The following CPAMD8 variants were observed in gnomAD, a reference collection of about 807,000 sequenced individuals.
CPAMD8 encodes the protein C3 and PZP-like alpha-2-macroglobulin domain-containing protein 8.
Under a neutral mutation model 224.7 loss-of-function variants are expected in CPAMD8, and 146 were observed. The ratio of observed to expected loss-of-function variants is 0.65; its 90% CI spans 0.57 to 0.75. CPAMD8 has a LOEUF of 0.75. Among genes scored for constraint, CPAMD8 ranks in the 30% least tolerant of loss-of-function variants. The pLI, the probability that CPAMD8 is intolerant of heterozygous loss-of-function variation, is 0.00. For missense variants in CPAMD8, 2,301 were observed against 2,537.5 expected, an observed-to-expected ratio of 0.91 and a Z score of 2.00; for synonymous variants, 966 against 1,044.6, an observed-to-expected ratio of 0.92 and a Z score of 1.45.
At chr19:16,971,361 G>T (rs1257034689) in intron 17 of CPAMD8, among the ~76,000 whole-genome samples, 1 of 152,018 alleles carries the variant, frequency 6.6e-6, no homozygotes, top group Non-Finnish European at 1.5e-5. Context: ...TCACCATGGG[G>T]CATCATTCTT....
Position 16,914,431 on chromosome 19 carries a change from G to A in CPAMD8, c.3854C>T (p.Ala1285Val). The A allele has an allele frequency of 6.2e-7, 1 of 1,614,116 alleles. No homozygotes were observed. The highest frequency in any genetic ancestry group is 8.5e-7 in the Non-Finnish European group (1 of 1,179,946). Residue 1285 changes from alanine (A) to valine (V), a missense_variant, in exon 29 of 42, where the codon GCC (alanine) becomes GTC (valine). Ala to Val is a moderately conservative substitution (Grantham distance 64). Coordinates refer to ENST00000443236, the MANE Select transcript of CPAMD8 (RefSeq NM_015692.5). ...VVVALLETGT[A>V]SEEERGSTDK... ...AACCCCTTCTGTACTCACCTCTGAG[G>A]CTGTGCCTGTTTCCAGGAGAGCAAC...
At chr19:16,941,834 A>G (rs2053902575) in intron 22 of CPAMD8, among the ~76,000 whole-genome samples, 1 of 152,066 alleles carries the variant, frequency 6.6e-6, no homozygotes. Context: ...TTATCCGGGC[A>G]TGGTGGCAGG....
intron 22 of CPAMD8, among the ~76,000 whole-genome samples, chr19:16,939,827 C>T (rs947352852): frequency 6.6e-6 from 1 of 152,086 alleles, no homozygotes; most frequent in African/African-American, 2.4e-5. Flanking sequence ...GGTTCTCCAG[C>T]TCTCAGGCCT....
chr19:16,976,475 T>G (rs1041759673), intron 15 of CPAMD8, among the ~76,000 whole-genome samples: 1 of 151,814 alleles, frequency 6.6e-6, no homozygotes, highest in African/African-American at 2.4e-5. Context: ...AAACTCCATT[T>G]CAAACAATGA....
At chr19:16,982,270 G>A (rs7250118) in intron 13 of CPAMD8, among the ~76,000 whole-genome samples, 8,676 of 152,046 alleles carry the variant, frequency 0.057, 497 homozygotes, top group African/African-American at 0.15. Context: ...GTGGGTGCCT[G>A]TGGTCTCAGC....
At chr19:17,008,725 G>A (rs1366451791) in intron 6 of CPAMD8, 166 bp from the exon 7 acceptor site, 4 of 797,912 alleles carry the variant, frequency 5.0e-6, no homozygotes, top group Non-Finnish European at 2.1e-6. Context: ...TCTGGATAGA[G>A]AAGGATTTGA....
intron 21 of CPAMD8, among the ~76,000 whole-genome samples, chr19:16,946,436 A>G (rs1480058167): frequency 9.3e-5 from 9 of 97,012 alleles, no homozygotes; most frequent in African/African-American, 3.8e-4. Context: ...TGTGTGTGTG[A>G]ATGCATGTCT....
Position 16,898,144 on chromosome 19 carries a change from CTTTTT to C in CPAMD8, c.4849-155_4849-151del. ...CATTTTCTTTTTTTCTTTTACTTTT[CTTTTT>C]TTTTTTTTTTCCTGAGACAGAGTCT... On this transcript the variant is annotated intron_variant, in intron 37 of 41. Coordinates refer to ENST00000443236, the MANE Select transcript of CPAMD8 (RefSeq NM_015692.5). The surrounding 1 kb of genome is among the most constrained non-coding windows in gnomAD (Gnocchi z 4.2). The C allele has an allele frequency of 9.5e-6, 5 of 526,022 alleles. No individual in the cohort carries two copies. Among genetic ancestry groups the C allele is most frequent in the East Asian group, 3.3e-5 (1 of 30,102 alleles). The allele number at this position is 526,022 out of a possible 1,614,324, so 32.6% of individuals were successfully genotyped here. A position where few individuals can be genotyped will look rare whatever the true frequency, so the allele number is the denominator to read the frequency against.
intron 7 of CPAMD8, among the ~76,000 whole-genome samples, chr19:17,005,752 T>C (rs2056474076): frequency 6.6e-6 from 1 of 152,074 alleles, no homozygotes; most frequent in South Asian, 2.1e-4. Flanking sequence ...CTTCTCTCAA[T>C]CACATTGGAG....
At chr19:16,948,855 A>G in intron 20 of CPAMD8, among the ~76,000 whole-genome samples, 1 of 99,890 alleles carries the variant, frequency 1.0e-5, no homozygotes, top group African/African-American at 3.8e-5. Flanking sequence ...AGAGAAGGGA[A>G]GGGAGGGAAA....
rs2056354711 is a variant in CPAMD8 at position 17,002,339 on chromosome 19, A to T, written c.685T>A (p.Phe229Ile). Residue 229 changes from phenylalanine to isoleucine, a missense_variant, in exon 9 of 42, where the codon TTT becomes ATT. By Grantham distance (21) the Phe-to-Ile change is conservative (BLOSUM62 0). Around this residue, in one of 4 missense-constraint regions of CPAMD8, gnomAD observed 283 missense variants for 340.6 expected, o/e 0.83. Transcript: ENST00000443236. Reference protein sequence around the residue: ...FEVQKYVLPKFELLIDPPRYI... With the variant: ...FEVQKYVLPKIELLIDPPRYI... ...CGGGGCGGGTCAATCAGAAGCTCAAACTTGGGCAACACTGAAGAAAGCAAG... is the reference window on the plus strand; with the variant it reads ...CGGGGCGGGTCAATCAGAAGCTCAATCTTGGGCAACACTGAAGAAAGCAAG... The T allele has an allele frequency of 3.1e-6, 5 of 1,604,542 alleles. No individual in the cohort carries two copies. Among genetic ancestry groups the T allele is most frequent in the Non-Finnish European group, 4.3e-6 (5 of 1,174,440 alleles).
chr19:16,931,793 C>T (rs1241975915), intron 23 of CPAMD8, among the ~76,000 whole-genome samples: 1 of 152,198 alleles, frequency 6.6e-6, no homozygotes, highest in African/African-American at 2.4e-5. Context: ...AATAACTGCA[C>T]CCTAAGCCAC....
intron 19 of CPAMD8, 35 bp downstream of exon 19, chr19:16,957,818 G>A (rs199542928): frequency 4.3e-5 from 69 of 1,610,230 alleles, no homozygotes; most frequent in Non-Finnish European, 5.4e-5. Flanking sequence ...TCACTCAACC[G>A]GCAAAGTCAG....
At chr19:16,957,608 C>G (rs371490104) in intron 19 of CPAMD8, 123 of 507,062 alleles carry the variant, frequency 2.4e-4, no homozygotes, top group African/African-American at 2.3e-3. Context: ...TAGAGTAACC[C>G]CAAGAGGGAG....
At chr19:16,945,805 A>ATATGCAGGTGTGTGTT in intron 21 of CPAMD8, 126 bp from the exon 22 acceptor site, 2 of 853,896 alleles carry the variant, frequency 2.3e-6, no homozygotes, top group East Asian at 5.0e-5. Flanking sequence ...GTGTGTGTGT[A>ATATGCAGGTGTGTGTT]TATGCAGATG....
intron 20 of CPAMD8, among the ~76,000 whole-genome samples, chr19:16,948,888 G>GGGGGAAAGGA (rs2054201829): frequency 1.6e-5 from 1 of 64,298 alleles, no homozygotes; most frequent in Non-Finnish European, 2.8e-5. Context: ...GAAGGGAAGG[G>GGGGGAAAGGA]AAGGGAAGGG....
At chr19:16,981,233 T>C (rs1012340610) in intron 13 of CPAMD8, among the ~76,000 whole-genome samples, 4 of 151,996 alleles carry the variant, frequency 2.6e-5, no homozygotes, top group Non-Finnish European at 1.5e-5. Flanking sequence ...TGGTGGCACA[T>C]GCCTGTAGTC....
intron 20 of CPAMD8, among the ~76,000 whole-genome samples, chr19:16,951,151 C>T (rs181915010): frequency 1.3e-5 from 2 of 152,218 alleles, no homozygotes; most frequent in African/African-American, 4.8e-5. Flanking sequence ...AGCGAGGCTC[C>T]GACACACCAA....
Position 16,945,644 on chromosome 19 carries a change from G to A in CPAMD8, c.2698C>T (p.Arg900Trp), listed in dbSNP as rs1212387047. Residue 900 changes from arginine to tryptophan, a missense_variant, in exon 22 of 42, where the codon CGG (arginine) becomes TGG (tryptophan). Physicochemically the swap from Arg to Trp is moderately radical, Grantham distance 101. Coordinates refer to ENST00000443236, the MANE Select transcript of CPAMD8 (RefSeq NM_015692.5). The stretch of plus-strand genomic sequence containing the variant: ...GGGTGTTTGCTGGACCTCCCATCCC[G>A]GCAGCAATTTGTGTCTCCGTAAGCA... Reference protein sequence around the residue: ...ALAYGDTNCCRDGRSSKHPEE... With the variant: ...ALAYGDTNCCWDGRSSKHPEE... 7.4e-6 allele frequency: 12 copies of A among 1,614,080 alleles called. No homozygotes were observed. The highest frequency in any genetic ancestry group is 7.6e-6 in the Non-Finnish European group (9 of 1,179,948).
Sources: gnomAD v4.1 joint callset for allele counts (sites outside exome capture counted in the v4.1 genomes callset) on GRCh38, gnomAD v4.1.1 for gene constraint, gnomAD v4.1.1 regional missense constraint, Gnocchi (gnomAD v3.1) non-coding constraint, MANE v1.5 for transcripts, NCBI Gene and HGNC (gene_info 2026-07-23, HGNC 2026-07-21) for gene names.